TCTA: variants seen among roughly 807,000 people sequenced by gnomAD.
The protein encoded by TCTA is T-cell leukemia translocation-altered gene protein.
Under a neutral mutation model 13.5 loss-of-function variants are expected in TCTA, and 13 were observed. That is an observed-to-expected ratio of 0.96 (90% CI 0.63 to 1.53). The LOEUF is 1.53. Among genes scored for constraint, TCTA ranks in the 40% most tolerant of loss-of-function variants. TCTA has a pLI of 0.00. For synonymous variants in TCTA, 58 were observed against 59.0 expected, an observed-to-expected ratio of 0.98 and a Z score of 0.08; for missense variants, 138 against 131.3, an observed-to-expected ratio of 1.05 and a Z score of -0.25.
intron 2 of TCTA, among the ~76,000 whole-genome samples, chr3:49,414,584 C>G (rs1442885331): frequency 2.0e-5 from 3 of 152,100 alleles, no homozygotes; most frequent in Admixed American, 6.6e-5. Context: ...AATAAAAAAA[C>G]TAGAGAAGGA....
Position 49,415,556 on chromosome 3 carries a change from C to G in TCTA, c.*694C>G, listed in dbSNP as rs1388168105. 2 of 152,260 alleles carry G rather than the reference C, an allele frequency of 1.3e-5. No individual in the cohort carries two copies. The highest frequency in any genetic ancestry group is 2.9e-5 in the Non-Finnish European group (2 of 68,114). 9.4% of individuals were successfully genotyped at this position (152,260 alleles called of 1,614,324 possible). ...TCCTGAGAGGAAGCCTGAGGTTGACCAGCTCTGGGGTTTGTAAGGCAGGTC... is the reference window on the plus strand; with the variant it reads ...TCCTGAGAGGAAGCCTGAGGTTGACGAGCTCTGGGGTTTGTAAGGCAGGTC... On this transcript the variant is annotated 3_prime_UTR_variant, in exon 3 of 3. Coordinates refer to ENST00000273590, the MANE Select transcript of TCTA (RefSeq NM_022171.3).
chr3:49,413,232 C>G, intron 2 of TCTA, 122 bp downstream of exon 2: 1 of 1,105,114 alleles, frequency 9.0e-7, no homozygotes, highest in Non-Finnish European at 1.4e-6. Context: ...TTGCAGCAAG[C>G]TTCAAGTCTG....
chr3:49,413,512 C>T (rs2048974987), intron 2 of TCTA: 1 of 168,020 alleles, frequency 6.0e-6, no homozygotes, highest in Non-Finnish European at 1.3e-5. Context: ...ATCTCTGGGC[C>T]CCTATCACGT....
rs567740942 is a variant in TCTA at position 49,416,323 on chromosome 3, C to G, written c.*1461C>G. On this transcript the variant is annotated 3_prime_UTR_variant, in exon 3 of 3. Coordinates refer to ENST00000273590, the MANE Select transcript of TCTA (RefSeq NM_022171.3). ...ATCTGGCTGCCTTTGCTTAAGCCAT[C>G]TTTGTGGTAGAGGGGCCCTGGAATT... The G allele has an allele frequency of 4.2e-5, 7 of 168,154 alleles. No individual in the cohort carries two copies. In the South Asian group the frequency reaches 9.4e-4, roughly 23 times the overall value. The allele number at this position is 168,154 out of a possible 1,614,324, so 10.4% of individuals were successfully genotyped here. A position where few individuals can be genotyped will look rare whatever the true frequency, so the allele number is the denominator to read the frequency against.
intron 2 of TCTA, among the ~76,000 whole-genome samples, chr3:49,414,423 A>G (rs1180470605): frequency 6.6e-6 from 1 of 152,200 alleles, no homozygotes; most frequent in Non-Finnish European, 1.5e-5. Flanking sequence ...AATCCCAGCT[A>G]CTTGGGAGGC....
intron 2 of TCTA, 100 bp from the exon 3 acceptor site, chr3:49,414,720 C>T: frequency 7.6e-6 from 11 of 1,450,420 alleles, no homozygotes; most frequent in Non-Finnish European, 1.1e-5. Flanking sequence ...CCTTACTGAG[C>T]CTAGCTCAGC....
At position 49,414,827 on chromosome 3, in the gene TCTA, G is replaced by A. The variant is rs573408965; in HGVS notation, c.277G>A (p.Ala93Thr). ...GSTHFPSWEM[A>T]ANEPLKTHRE is the part of the protein sequence containing the mutation. ...TCTCTCCATCACTTTCAGGGAAATG[G>A]CAGCAAACGAACCTCTCAAAACCCA... is the stretch of plus-strand genomic sequence containing the variant. Residue 93 changes from alanine (A) to threonine (T), a missense_variant, in exon 3 of 3, where the codon GCA becomes ACA. By Grantham distance (58) the Ala-to-Thr change is moderately conservative. Coordinates refer to ENST00000273590, the MANE Select transcript of TCTA (RefSeq NM_022171.3). 1.2e-6 allele frequency: 2 copies of A among 1,613,898 alleles called. No homozygotes were observed. Among genetic ancestry groups the A allele is most frequent in the East Asian group, 2.2e-5 (1 of 44,876 alleles).
chr3:49,413,605 G>A (rs1389954289), intron 2 of TCTA, among the ~76,000 whole-genome samples: 1 of 152,108 alleles, frequency 6.6e-6, no homozygotes, highest in African/African-American at 2.4e-5. Flanking sequence ...GGGGAGGGCG[G>A]CAGTGCATGG....
chr3:49,412,426 C>A lies in TCTA; in HGVS notation c.-1C>A, dbSNP rs115911627. On this transcript the variant is annotated 5_prime_UTR_variant, in exon 1 of 3. Transcript: ENST00000273590. ...TACCCCGGGTGGGGCGAGGGCCAGT[C>A]ATGGCGGAGTCCTGGTCTGGGCAGG... 2.3e-4 allele frequency: 363 copies of A among 1,607,924 alleles called. 1 individual carries two copies. The African/African-American group carries it at 4.0e-3, about 18-fold the overall frequency.
In TCTA at chr3:49,414,906, G is replaced by A. The variant is rs374532068; in HGVS notation, c.*44G>A. 6.2e-7 allele frequency: 1 copy of A among 1,612,894 alleles called. No homozygotes were observed. Among genetic ancestry groups the A allele is most frequent in the African/African-American group, 1.3e-5 (1 of 74,894 alleles). ...CTCCAAGGGCATCACTGGGTCTGCT[G>A]GCTTCTACACTGGGTTCTGCTACTC... is the stretch of plus-strand genomic sequence containing the variant. On this transcript the variant is annotated 3_prime_UTR_variant, in exon 3 of 3. Transcript: ENST00000273590.
rs760832815 is a variant in TCTA at position 49,414,897 on chromosome 3, G to C, written c.*35G>C. The C allele has an allele frequency of 1.2e-6, 2 of 1,613,608 alleles. No homozygotes were observed. Among genetic ancestry groups the C allele is most frequent in the South Asian group, 2.2e-5 (2 of 91,048 alleles). On this transcript the variant is annotated 3_prime_UTR_variant, in exon 3 of 3. Coordinates refer to ENST00000273590, the MANE Select transcript of TCTA (RefSeq NM_022171.3). The stretch of plus-strand genomic sequence containing the variant: ...GCAGAGGGTCTCCAAGGGCATCACT[G>C]GGTCTGCTGGCTTCTACACTGGGTT...
Position 49,413,095 on chromosome 3 carries a change from C to G in TCTA, c.254C>G (p.Thr85Arg), listed in dbSNP as rs1367952208. The G allele has an allele frequency of 1.9e-6, 3 of 1,614,110 alleles. No individual in the cohort carries two copies. Among genetic ancestry groups the G allele is most frequent in the Non-Finnish European group, 2.5e-6 (3 of 1,180,056 alleles). ...AATGGATCCACGCCTGATGGCTCCACGCATTTCCCTTCGTGGTGAGTAAAT... is the reference window on the plus strand; with the variant it reads ...AATGGATCCACGCCTGATGGCTCCAGGCATTTCCCTTCGTGGTGAGTAAAT... ...GQNGSTPDGSTHFPSWEMAAN... is the reference protein window; with the variant it reads ...GQNGSTPDGSRHFPSWEMAAN... Residue 85 changes from threonine (T) to arginine (R), a missense_variant, in exon 2 of 3, where the codon ACG becomes AGG. By Grantham distance (71) the Thr-to-Arg change is moderately conservative. Coordinates refer to ENST00000273590, the MANE Select transcript of TCTA (RefSeq NM_022171.3).
Position 49,412,568 on chromosome 3 carries a change from T to G in TCTA, c.142T>G (p.Leu48Val), listed in dbSNP as rs1559525488. ...CAAGCTGCTGCTGCTGTGGTTGGTG[T>G]TAAGTCTCCTGGGCATCCAGCTGGC... Reference protein sequence around the residue: ...LFKLLLLWLVLSLLGIQLAWG... With the variant: ...LFKLLLLWLVVSLLGIQLAWG... The change falls in exon 1 of 3, where the codon TTA becomes GTA. Residue 48 changes from leucine (L) to valine (V), a missense_variant. Coordinates refer to ENST00000273590, the MANE Select transcript of TCTA (RefSeq NM_022171.3). 2 of 1,614,236 alleles carry G rather than the reference T, an allele frequency of 1.2e-6. No homozygotes were observed. Among genetic ancestry groups the G allele is most frequent in the African/African-American group, 1.3e-5 (1 of 75,074 alleles).
At chr3:49,412,834 C>T in intron 1 of TCTA, 194 bp downstream of exon 1, 1 of 756,154 alleles carries the variant, frequency 1.3e-6, no homozygotes, top group Non-Finnish European at 2.1e-6. Context: ...ACGTTGTGCC[C>T]TGACTCATGC....
chr3:49,415,716 T>A lies in TCTA; in HGVS notation c.*854T>A, dbSNP rs1022152193. On this transcript the variant is annotated 3_prime_UTR_variant, in exon 3 of 3. Transcript: ENST00000273590. ...GCCATTCAGGTATAAGGCAGGGTGG[T>A]GTACCTGCTGGCACTATCCAGATGG... 1.3e-5 allele frequency: 2 copies of A among 152,198 alleles called. No individual in the cohort carries two copies. Among genetic ancestry groups the A allele is most frequent in the Non-Finnish European group, 2.9e-5 (2 of 68,056 alleles). The allele number at this position is 152,198 out of a possible 1,614,324, so 9.4% of individuals were successfully genotyped here. A position where few individuals can be genotyped will look rare whatever the true frequency, so the allele number is the denominator to read the frequency against.
At position 49,412,522 on chromosome 3, in the gene TCTA, G is replaced by A. The variant is rs779979564; in HGVS notation, c.96G>A (p.Gln32=). The A allele has an allele frequency of 1.2e-6, 2 of 1,614,248 alleles. No individual in the cohort carries two copies. The highest frequency in any genetic ancestry group is 1.7e-4 in the Middle Eastern group (1 of 6,058). The stretch of plus-strand genomic sequence containing the variant: ...AGTTCTTGCGGGAGTGGGAGGCGCA[G>A]GACATGCGCGTGACCCTCTTCAAGC... ...GSEFLREWEA[Q]DMRVTLFKLL... Residue 32 remains glutamine, a synonymous_variant, in exon 1 of 3, where the codon CAG becomes CAA. Coordinates refer to ENST00000273590, the MANE Select transcript of TCTA (RefSeq NM_022171.3).
rs149602898 is a variant in TCTA at position 49,413,102 on chromosome 3, C to A, written c.261C>A (p.Phe87Leu). 1,099 of 1,614,076 alleles carry A rather than the reference C, an allele frequency of 6.8e-4. 1 individual carries two copies. The highest frequency in any genetic ancestry group is 9.1e-4 in the Non-Finnish European group (1,074 of 1,180,024). ...NGSTPDGSTHFPSWEMAANEP... is the reference protein window; with the variant it reads ...NGSTPDGSTHLPSWEMAANEP... ...CCACGCCTGATGGCTCCACGCATTT[C>A]CCTTCGTGGTGAGTAAATCTGTCCA... The change falls in exon 2 of 3, where the codon TTC (phenylalanine) becomes TTA (leucine). Residue 87 changes from phenylalanine to leucine, a missense_variant. Coordinates refer to ENST00000273590, the MANE Select transcript of TCTA (RefSeq NM_022171.3).
intron 1 of TCTA, 96 bp downstream of exon 1, chr3:49,412,736 A>G: frequency 7.1e-7 from 1 of 1,405,832 alleles, no homozygotes; most frequent in Non-Finnish European, 9.8e-7. Flanking sequence ...CAAGAGGCTC[A>G]TCAGAACTTA....
intron 1 of TCTA, 33 bp downstream of exon 1, chr3:49,412,673 C>A: frequency 1.9e-6 from 3 of 1,602,624 alleles, no homozygotes; most frequent in Non-Finnish European, 2.6e-6. Context: ...GTGGGCTGGC[C>A]GCCCCCGCCC....
Sources: gnomAD v4.1 joint callset for allele counts (sites outside exome capture counted in the v4.1 genomes callset) on GRCh38, gnomAD v4.1.1 for gene constraint, MANE v1.5 for transcripts, NCBI Gene and HGNC (gene_info 2026-07-23, HGNC 2026-07-21) for gene names.